TAFA2: variants seen among roughly 807,000 people sequenced by gnomAD.
TAFA2 encodes TAFA chemokine like family member 2.
TAFA2 carries 7 observed loss-of-function variants against 18.8 expected under a neutral mutation model. That is an observed-to-expected ratio of 0.37 (90% CI 0.21 to 0.70). TAFA2 has a LOEUF of 0.70. Ranked by LOEUF, TAFA2 falls within the 30% of genes least tolerant of loss-of-function variation. The pLI, the probability that TAFA2 is intolerant of heterozygous loss-of-function variation, is 0.53. For synonymous variants in TAFA2, 60 were observed against 54.2 expected, an observed-to-expected ratio of 1.11 and a Z score of -0.47; for missense variants, 122 against 158.1, an observed-to-expected ratio of 0.77 and a Z score of 1.23.
chr12:62,251,933 C>T (rs908592297), intron 1 of TAFA2, among the ~76,000 whole-genome samples: 6 of 152,146 alleles, frequency 3.9e-5, no homozygotes, highest in Admixed American at 2.0e-4. Flanking sequence ...GTAGATTATC[C>T]AATTCAATTC....
rs551135423 is a variant in TAFA2 at position 62,235,570 on chromosome 12, C to T, written c.-130+23193G>A. 1.0e-4 allele frequency: 34 copies of T among 336,006 alleles called. No homozygotes were observed. The South Asian group carries it at 2.3e-3, about 23-fold the overall frequency. 20.8% of individuals were successfully genotyped at this position (336,006 alleles called of 1,614,324 possible). On this transcript the variant is annotated intron_variant, in intron 1 of 5. Coordinates refer to the TAFA2 transcript ENST00000551619. ...TGAACAGACAGGGAGCAACCCACCA[C>T]GGCATCGCAGGTGGTTATCGGGACA...
At position 61,816,837 on chromosome 12, in the gene TAFA2, CCTT is replaced by C. The variant is rs143447373; in HGVS notation, c.106+50480_106+50482del. ...CCATACTTATTGCTGGATTTATTGT[CCTT>C]CTCACATCTGACTGAACACTTGGAG... On this transcript the variant is annotated intron_variant, in intron 2 of 4. Transcript: ENST00000416284. Among the ~76,000 whole-genome samples the C allele has an allele frequency of 1.6e-3, 237 of 151,340 alleles. 10 individuals carry two copies. Among genetic ancestry groups the C allele is most frequent in the African/African-American group, 5.4e-3 (221 of 40,684 alleles).
intron 1 of TAFA2, among the ~76,000 whole-genome samples, chr12:61,870,677 A>G (rs1874560418): frequency 6.6e-6 from 1 of 152,044 alleles, no homozygotes; most frequent in African/African-American, 2.4e-5. Context: ...AATTTCTCCA[A>G]TGACTTCCAG....
rs897669863 is a variant in TAFA2, at chr12:61,807,479, C to T, written c.107-52455G>A. On this transcript the variant is annotated intron_variant, in intron 2 of 4. Coordinates refer to ENST00000416284, the MANE Select transcript of TAFA2 (RefSeq NM_178539.5). Reference sequence around the variant, plus strand: ...CTGCTAGGGCAGTGTGGGAGGGAAACATGAGGTCAGAACCCCCACACAGAG... The same window carrying T: ...CTGCTAGGGCAGTGTGGGAGGGAAATATGAGGTCAGAACCCCCACACAGAG... 3.3e-5 allele frequency among the ~76,000 whole-genome samples: 5 copies of T among 151,356 alleles called. 1 individual carries two copies. The highest frequency in any genetic ancestry group is 1.2e-4 in the African/African-American group (5 of 40,662).
At chr12:61,740,680 T>C (rs1195677684) in intron 4 of TAFA2, among the ~76,000 whole-genome samples, 1 of 151,984 alleles carries the variant, frequency 6.6e-6, no homozygotes, top group African/African-American at 2.4e-5. Flanking sequence ...CTTAAATTTA[T>C]ATAAATAAGC....
chr12:61,713,315 C>T (rs765637781), intron 4 of TAFA2, among the ~76,000 whole-genome samples: 35 of 152,122 alleles, frequency 2.3e-4, no homozygotes, highest in Non-Finnish European at 2.9e-4. Flanking sequence ...TTCCTTTTTC[C>T]GTCTATAAAT....
chr12:61,874,630 C>T (rs543626834), intron 1 of TAFA2, among the ~76,000 whole-genome samples: 2 of 152,228 alleles, frequency 1.3e-5, no homozygotes, highest in African/African-American at 4.8e-5. Context: ...AATACCTTTA[C>T]CACCCACAGA....
chr12:61,773,025 A>C lies in TAFA2; in HGVS notation c.107-18001T>G, dbSNP rs1442539984. On this transcript the variant is annotated intron_variant, in intron 2 of 4. Coordinates refer to ENST00000416284, the MANE Select transcript of TAFA2 (RefSeq NM_178539.5). ...CAGTAAAGTTTCAGGGTACAAAATTAATGTACACAAATCAGTAGCACTGCT... is the reference window on the plus strand; with the variant it reads ...CAGTAAAGTTTCAGGGTACAAAATTCATGTACACAAATCAGTAGCACTGCT... Among the ~76,000 whole-genome samples, 4 of 152,068 alleles carry C rather than the reference A, an allele frequency of 2.6e-5. No individual in the cohort carries two copies. In the East Asian group the frequency reaches 7.7e-4, roughly 29 times the overall value.
At chr12:61,944,305 G>A (rs1353636295) in intron 1 of TAFA2, among the ~76,000 whole-genome samples, 1 of 151,134 alleles carries the variant, frequency 6.6e-6, no homozygotes, top group Non-Finnish European at 1.5e-5. Flanking sequence ...ATTCAAAGCA[G>A]TGTGTAGAGG....
chr12:61,869,409 A>G (rs1874498376), intron 1 of TAFA2, among the ~76,000 whole-genome samples: 1 of 152,232 alleles, frequency 6.6e-6, no homozygotes, highest in Non-Finnish European at 1.5e-5. Flanking sequence ...ATGCTCAATA[A>G]ACGCTAGCCA....
At chr12:61,948,081 A>G (rs905425941) in intron 1 of TAFA2, among the ~76,000 whole-genome samples, 2 of 152,148 alleles carry the variant, frequency 1.3e-5, no homozygotes, top group African/African-American at 4.8e-5. Context: ...CACTTTGAAA[A>G]GTTTCTTTCA....
chr12:61,909,127 A>G (rs1219192690), intron 1 of TAFA2, among the ~76,000 whole-genome samples: 3 of 152,186 alleles, frequency 2.0e-5, no homozygotes, highest in South Asian at 2.1e-4. Flanking sequence ...AGGGCCCTGC[A>G]CAGGATGAGA....
rs545573963 is a variant in TAFA2 at position 61,935,370 on chromosome 12, A to G, written c.-1-67944T>C. 2.7e-3 allele frequency among the ~76,000 whole-genome samples: 404 copies of G among 152,262 alleles called. 9 individuals are homozygous for G. In the South Asian group the frequency reaches 0.074, roughly 28 times the overall value. ...GGAAAATTTTACTGTGCAATAATTC[A>G]TCAAAAGCCACTAGACCAAATTGCC... On this transcript the variant is annotated intron_variant, in intron 1 of 4. Transcript: ENST00000416284.
chr12:61,820,593 A>T (rs1234132321), intron 2 of TAFA2, among the ~76,000 whole-genome samples: 1 of 152,022 alleles, frequency 6.6e-6, no homozygotes, highest in Non-Finnish European at 1.5e-5. Flanking sequence ...AAAAAAAGAA[A>T]TAAAAAAAGA....
chr12:61,879,824 A>T, intron 1 of TAFA2: 1 of 1,413,010 alleles, frequency 7.1e-7, no homozygotes, highest in Non-Finnish European at 9.9e-7. Context: ...GCTTGGCAAC[A>T]TGCAGGAGCT....
intron 4 of TAFA2, among the ~76,000 whole-genome samples, chr12:61,715,022 C>T (rs7488706): frequency 0.12 from 18,492 of 152,170 alleles, 1,282 homozygotes; most frequent in East Asian, 0.23. Context: ...GTGTGTAATA[C>T]GCTATTGTGA....
intron 2 of TAFA2, among the ~76,000 whole-genome samples, chr12:61,775,129 C>T (rs527751212): frequency 4.0e-5 from 6 of 151,878 alleles, no homozygotes; most frequent in African/African-American, 1.2e-4. Flanking sequence ...CTATACACCT[C>T]TTAGAATGAC....
intron 1 of TAFA2, among the ~76,000 whole-genome samples, chr12:61,932,823 A>G (rs1877615772): frequency 1.3e-5 from 2 of 152,110 alleles, no homozygotes; most frequent in Admixed American, 6.6e-5. Flanking sequence ...GCACCTAACC[A>G]GCTCCCTTAA....
intron 2 of TAFA2, among the ~76,000 whole-genome samples, chr12:61,785,809 A>G (rs1452095579): frequency 6.6e-6 from 1 of 151,622 alleles, no homozygotes; most frequent in Non-Finnish European, 1.5e-5. Flanking sequence ...CACATTTCTC[A>G]AAATGTATCC....
Sources: allele counts gnomAD v4.1 joint callset (sites outside exome capture counted in the v4.1 genomes callset), GRCh38; gene constraint gnomAD v4.1.1; transcripts MANE v1.5; gene names NCBI Gene and HGNC (gene_info 2026-07-23, HGNC 2026-07-21).